ASTN2: variants seen among roughly 807,000 people sequenced by gnomAD.
ASTN2 encodes astrotactin-2.
Under a neutral mutation model 139.8 loss-of-function variants are expected in ASTN2, and 54 were observed. That is an observed-to-expected ratio of 0.39 (90% CI 0.31 to 0.48). The LOEUF (loss-of-function observed/expected upper bound fraction) is 0.48. ASTN2 is among the 20% of genes least tolerant of loss of function. The pLI, the probability that ASTN2 is intolerant of heterozygous loss-of-function variation, is 0.95. For synonymous variants in ASTN2, 756 were observed against 719.5 expected (o/e 1.05, Z -0.81); for missense variants, 1,565 against 1,725.1 (o/e 0.91, Z 1.64).
chr9:116,963,447 A>G (rs1236974727), intron 10 of ASTN2, among the ~76,000 whole-genome samples: 1 of 152,116 alleles, frequency 6.6e-6, no homozygotes, highest in Non-Finnish European at 1.5e-5. Flanking sequence ...AACAGTATGA[A>G]TTTTTATTTT....
intron 10 of ASTN2, among the ~76,000 whole-genome samples, chr9:116,910,755 A>G (rs980752186): frequency 2.0e-5 from 3 of 152,186 alleles, no homozygotes; most frequent in Admixed American, 6.5e-5. Flanking sequence ...CTCATTACTT[A>G]TATTTTCTCA....
chr9:117,264,872 G>A (rs1833906933), intron 2 of ASTN2, among the ~76,000 whole-genome samples: 1 of 152,208 alleles, frequency 6.6e-6, no homozygotes, highest in Non-Finnish European at 1.5e-5. Flanking sequence ...ACACATAGTG[G>A]AGGAATGAAG....
At chr9:116,737,609 A>ATGTGTGTG (rs1477655413) in intron 13 of ASTN2, among the ~76,000 whole-genome samples, 3 of 20,146 alleles carry the variant, frequency 1.5e-4, no homozygotes. Context: ...TCATGTGCCA[A>ATGTGTGTG]CGTGTGTGTG....
chr9:116,649,529 G>C (rs10983291), intron 17 of ASTN2, among the ~76,000 whole-genome samples: 16,124 of 148,918 alleles, frequency 0.11, 1,340 homozygotes, highest in South Asian at 0.4. Flanking sequence ...AGCTGAGATC[G>C]CGCCATTGCA....
chr9:117,191,422 G>T (rs1831345942), intron 3 of ASTN2, among the ~76,000 whole-genome samples: 1 of 152,068 alleles, frequency 6.6e-6, no homozygotes, highest in Non-Finnish European at 1.5e-5. Context: ...AGTTACTGTG[G>T]CTATTCAATG....
chr9:117,190,068 A>C (rs1354547599), intron 3 of ASTN2, among the ~76,000 whole-genome samples: 2 of 152,086 alleles, frequency 1.3e-5, no homozygotes, highest in Non-Finnish European at 2.9e-5. Context: ...CTCAGGAAGG[A>C]GGGAGAATTT....
intron 6 of ASTN2, among the ~76,000 whole-genome samples, chr9:117,020,002 C>CTGTGTGTGTGTGTGTGTGTG (rs57575432): frequency 1.6e-4 from 23 of 140,806 alleles, no homozygotes; most frequent in East Asian, 1.5e-3. Flanking sequence ...TTCAGGGTTT[C>CTGTGTGTGTGTGTGTGTGTG]TGTGTGTGTG....
At chr9:116,465,642 G>T (rs2118986092) in intron 20 of ASTN2, among the ~76,000 whole-genome samples, 1 of 152,290 alleles carries the variant, frequency 6.6e-6, no homozygotes, top group East Asian at 1.9e-4. Context: ...CAAGCTGCAA[G>T]TTGTCAGCTG....
At chr9:117,379,268 C>T (rs900552186) in intron 1 of ASTN2, among the ~76,000 whole-genome samples, 6 of 152,078 alleles carry the variant, frequency 3.9e-5, no homozygotes, top group Non-Finnish European at 7.4e-5. Context: ...TAGAGCCGGG[C>T]GTAGGCAGCG....
intron 2 of ASTN2, among the ~76,000 whole-genome samples, chr9:117,273,339 T>C (rs932361089): frequency 2.0e-5 from 3 of 152,136 alleles, no homozygotes; most frequent in Non-Finnish European, 1.5e-5. Context: ...GAGATTTGGG[T>C]AGGAACACAG....
At chr9:116,674,887 C>T (rs1859411888) in intron 16 of ASTN2, among the ~76,000 whole-genome samples, 1 of 152,164 alleles carries the variant, frequency 6.6e-6, no homozygotes, top group Admixed American at 6.5e-5. Flanking sequence ...CTCTGCTCCC[C>T]AAATGCTCAG....
intron 19 of ASTN2, among the ~76,000 whole-genome samples, chr9:116,498,788 T>C (rs771086568): frequency 6.6e-5 from 10 of 152,206 alleles, no homozygotes; most frequent in Non-Finnish European, 1.3e-4. Flanking sequence ...TATGCCAATG[T>C]TCAGCTCCAA....
chr9:117,016,620 CTATCTATA>C (rs1485877813), intron 6 of ASTN2, among the ~76,000 whole-genome samples: 2 of 16,026 alleles, frequency 1.2e-4, no homozygotes, highest in East Asian at 1.7e-3. Flanking sequence ...CTATATCTAT[CTATCTATA>C]TATATATATA....
intron 11 of ASTN2, among the ~76,000 whole-genome samples, chr9:116,826,772 G>A (rs992208029): frequency 7.2e-5 from 11 of 152,046 alleles, no homozygotes; most frequent in Non-Finnish European, 1.6e-4. Context: ...CTACTTCGGG[G>A]CCTAAAACCA....
chr9:116,942,637 AC>A (rs1175505083), intron 10 of ASTN2, among the ~76,000 whole-genome samples: 1 of 152,242 alleles, frequency 6.6e-6, no homozygotes, highest in Non-Finnish European at 1.5e-5. Flanking sequence ...CACACACTCA[AC>A]CTGAAAGGAA....
intron 1 of ASTN2, among the ~76,000 whole-genome samples, chr9:117,369,129 G>A (rs1829926284): frequency 6.6e-6 from 1 of 152,100 alleles, no homozygotes; most frequent in Non-Finnish European, 1.5e-5. Context: ...GTTAAACCTG[G>A]AAGAGTGCTA....
chr9:117,060,585 C>CAGGCAGGCAGGCAGGAAGGA (rs373697206), intron 5 of ASTN2, among the ~76,000 whole-genome samples: 12 of 132,450 alleles, frequency 9.1e-5, no homozygotes, highest in East Asian at 2.3e-4. Context: ...GGAAAGAAGG[C>CAGGCAGGCAGGCAGGAAGGA]AGGAAGGAAG....
At chr9:117,345,157 T>G (rs571628152) in intron 1 of ASTN2, among the ~76,000 whole-genome samples, 7 of 152,270 alleles carry the variant, frequency 4.6e-5, no homozygotes, top group Admixed American at 3.3e-4. Flanking sequence ...CTGTAGTTAA[T>G]TGAATCCTCC....
chr9:117,208,632 G>A (rs1234301689), intron 3 of ASTN2, among the ~76,000 whole-genome samples: 1 of 152,036 alleles, frequency 6.6e-6, no homozygotes, highest in Non-Finnish European at 1.5e-5. Context: ...GGACATCAAG[G>A]TCCAGGAAAC....
Sources: allele counts gnomAD v4.1 joint callset (sites outside exome capture counted in the v4.1 genomes callset), GRCh38; gene constraint gnomAD v4.1.1; transcripts MANE v1.5; gene names NCBI Gene and HGNC (gene_info 2026-07-23, HGNC 2026-07-21).